Variants in SLIT3 observed in about 807,000 individuals in gnomAD.
SLIT3 encodes the protein slit homolog 3 protein.
In SLIT3, 68 loss-of-function variants were observed where a neutral mutation model predicts 184.0. The ratio of observed to expected loss-of-function variants is 0.37; its 90% confidence interval spans 0.30 to 0.45. The LOEUF is 0.45. SLIT3 is among the 20% of genes least tolerant of loss of function. The pLI is 1.00. For missense variants in SLIT3, 1,707 were observed against 2,026.0 expected (o/e 0.84, Z 3.02); for synonymous variants, 831 against 828.6 (o/e 1.00, Z -0.05).
Position 168,882,557 on chromosome 5 carries a change from A to T in SLIT3, c.485+708T>A, listed in dbSNP as rs1433315009. On this transcript the variant is annotated intron_variant, in intron 5 of 35. Transcript: ENST00000519560. ...ACACGTGGAGCTGTGAAATCTGAAG[A>T]CTAAGGTCTGTGGATTGTACCAATG... 2.6e-5 allele frequency among the ~76,000 whole-genome samples: 4 copies of T among 152,262 alleles called. No individual in the cohort carries two copies. In the East Asian group the frequency reaches 7.7e-4, roughly 29 times the overall value.
chr5:168,699,334 T>C (rs1201241929), intron 27 of SLIT3, among the ~76,000 whole-genome samples: 1 of 152,192 alleles, frequency 6.6e-6, no homozygotes. Context: ...TGATATTTAA[T>C]TGGTTGCAAC....
At chr5:168,810,884 A>C (rs914572601) in intron 8 of SLIT3, among the ~76,000 whole-genome samples, 1 of 152,080 alleles carries the variant, frequency 6.6e-6, no homozygotes, top group Non-Finnish European at 1.5e-5. Context: ...TCTCACAGGG[A>C]AAGTCCCTGC....
intron 29 of SLIT3, among the ~76,000 whole-genome samples, chr5:168,691,043 T>A (rs1329299283): frequency 2.0e-5 from 3 of 152,192 alleles, no homozygotes; most frequent in African/African-American, 7.2e-5. Context: ...CCAGCAGCCT[T>A]TTCCTTCCTC....
intron 5 of SLIT3, among the ~76,000 whole-genome samples, chr5:168,867,623 T>C (rs1407799364): frequency 2.0e-5 from 3 of 152,210 alleles, no homozygotes; most frequent in African/African-American, 7.2e-5. Context: ...TAGAAAGGGA[T>C]GTTCAAGTCC....
At chr5:168,997,051 G>C (rs1254796696) in intron 4 of SLIT3, among the ~76,000 whole-genome samples, 2 of 152,176 alleles carry the variant, frequency 1.3e-5, no homozygotes, top group East Asian at 3.9e-4. Flanking sequence ...ATGAAAGGGA[G>C]GGATCAACCG....
intron 4 of SLIT3, among the ~76,000 whole-genome samples, chr5:169,165,343 T>C (rs571143804): frequency 6.6e-6 from 1 of 152,334 alleles, no homozygotes; most frequent in South Asian, 2.1e-4. Flanking sequence ...GCTAATAGAA[T>C]CAGAAGAGGC....
chr5:168,982,982 A>G (rs1755001728), intron 4 of SLIT3, among the ~76,000 whole-genome samples: 1 of 152,130 alleles, frequency 6.6e-6, no homozygotes, highest in South Asian at 2.1e-4. Flanking sequence ...TTGTAATTTC[A>G]CTGAAACATT....
At chr5:168,903,292 AT>A (rs1420922827) in intron 4 of SLIT3, among the ~76,000 whole-genome samples, 15 of 152,186 alleles carry the variant, frequency 9.9e-5, no homozygotes. Flanking sequence ...AAGACAAGGA[AT>A]TCACAAGCAG....
At chr5:169,027,482 AT>A (rs1484059186) in intron 4 of SLIT3, among the ~76,000 whole-genome samples, 1 of 152,154 alleles carries the variant, frequency 6.6e-6, no homozygotes, top group Non-Finnish European at 1.5e-5. Context: ...TGCAGTTTTT[AT>A]TGTAGTGCTT....
At chr5:168,823,397 G>T in intron 6 of SLIT3, 66 bp from the exon 7 acceptor site, 2 of 1,152,382 alleles carry the variant, frequency 1.7e-6, no homozygotes, top group Admixed American at 1.7e-5. Flanking sequence ...GATGCTTGTA[G>T]TAGGTCGGGG....
chr5:168,988,591 CAG>C (rs1170439013), intron 4 of SLIT3, among the ~76,000 whole-genome samples: 1 of 152,108 alleles, frequency 6.6e-6, no homozygotes, highest in Non-Finnish European at 1.5e-5. Context: ...AATAGCAAAA[CAG>C]GGCAGAACTC....
chr5:168,720,593 G>T (rs938429938), intron 23 of SLIT3: 1 of 152,326 alleles, frequency 6.6e-6, no homozygotes, highest in Non-Finnish European at 1.5e-5. Flanking sequence ...GGAGAAGGAA[G>T]GGGGAGCAGG....
chr5:169,002,322 CAAAAAAAAAAAAAAAAAAAAAA>C (rs397999882), intron 4 of SLIT3, among the ~76,000 whole-genome samples: 2 of 24,198 alleles, frequency 8.3e-5, no homozygotes, highest in African/African-American at 2.8e-4. Flanking sequence ...GACTCTGTCT[CAAAAAAAAAAAAAAAAAAAAAA>C]AAAAAAAAAA....
intron 26 of SLIT3, among the ~76,000 whole-genome samples, chr5:168,704,002 C>T (rs1762302598): frequency 6.7e-6 from 1 of 149,356 alleles, no homozygotes; most frequent in Non-Finnish European, 1.5e-5. Context: ...CATTGGAAAC[C>T]TCTTTCTGAG....
chr5:168,746,461 G>GTGGGCGTGGCA (rs1415414518), intron 20 of SLIT3, among the ~76,000 whole-genome samples: 1 of 99,676 alleles, frequency 1.0e-5, no homozygotes, highest in Non-Finnish European at 2.1e-5. Flanking sequence ...AGTGTGTGGT[G>GTGGGCGTGGCA]GTGTGCGGTG....
intron 4 of SLIT3, among the ~76,000 whole-genome samples, chr5:169,118,734 A>T (rs1760779190): frequency 6.6e-6 from 1 of 152,192 alleles, no homozygotes; most frequent in Non-Finnish European, 1.5e-5. Flanking sequence ...GAACCTGTTC[A>T]TGTAAAAACC....
chr5:169,192,178 G>A (rs868290912), intron 4 of SLIT3, among the ~76,000 whole-genome samples: 4 of 152,094 alleles, frequency 2.6e-5, no homozygotes, highest in East Asian at 1.9e-4. Context: ...CCGCCCCCAT[G>A]CCCATCCAGG....
chr5:169,194,902 G>A (rs995256692), intron 3 of SLIT3, among the ~76,000 whole-genome samples: 11 of 152,244 alleles, frequency 7.2e-5, no homozygotes, highest in East Asian at 1.9e-4. Flanking sequence ...CAAGAGAGAC[G>A]CCCTGCTGCA....
intron 4 of SLIT3, among the ~76,000 whole-genome samples, chr5:169,033,810 ATTTTTTT>A (rs568929106): frequency 4.3e-5 from 5 of 116,148 alleles, no homozygotes; most frequent in East Asian, 2.4e-4. Context: ...CTATTGTATG[ATTTTTTT>A]TTTTTTTTTT....
Sources: allele counts gnomAD v4.1 joint callset (sites outside exome capture counted in the v4.1 genomes callset), GRCh38; gene constraint gnomAD v4.1.1; transcripts MANE v1.5; gene names NCBI Gene and HGNC (gene_info 2026-07-23, HGNC 2026-07-21).